CCDC102A: variants seen among roughly 807,000 people sequenced by gnomAD.
CCDC102A encodes the protein coiled-coil domain containing 102A.
Under a neutral mutation model 55.5 loss-of-function variants are expected in CCDC102A, and 40 were observed. The ratio of observed to expected loss-of-function variants is 0.72; its 90% CI spans 0.56 to 0.94. The LOEUF (loss-of-function observed/expected upper bound fraction) is 0.94, where lower values mean the gene tolerates loss of function less well. Among genes scored for constraint, CCDC102A ranks in the 40% least tolerant of loss-of-function variants. The probability of loss-of-function intolerance (pLI) is 0.00; values close to 1 mark genes in which losing one functional copy is unlikely to be tolerated. For missense variants in CCDC102A, 779 were observed against 768.6 expected, an observed-to-expected ratio of 1.01 and a Z score of -0.16; for synonymous variants, 323 against 339.0, an observed-to-expected ratio of 0.95 and a Z score of 0.52.
Position 57,529,703 on chromosome 16 carries a change from T to C in CCDC102A, c.-147-379A>G, listed in dbSNP as rs931463700. Among the ~76,000 whole-genome samples the C allele has an allele frequency of 5.9e-5, 9 of 152,098 alleles. No homozygotes were observed. The highest frequency in any genetic ancestry group is 3.9e-4 in the East Asian group (2 of 5,188). ...TTTTCCTGCACTGGGCTAACTCTTC[T>C]CATATTTAAGACTCTTCTGAGGTAT... On this transcript the variant is annotated intron_variant, in intron 1 of 8. Coordinates refer to ENST00000258214, the MANE Select transcript of CCDC102A (RefSeq NM_033212.4). The surrounding 1 kb of genome is among the most constrained non-coding windows in gnomAD (Gnocchi z 4.1).
At position 57,528,659 on chromosome 16, in the gene CCDC102A, G is replaced by A. The variant is rs2032188595; in HGVS notation, c.519C>T (p.Gly173=). 1.7e-6 allele frequency: 2 copies of A among 1,164,096 alleles called. No homozygotes were observed. The highest frequency in any genetic ancestry group is 2.1e-6 in the Non-Finnish European group (2 of 939,940). 72.1% of individuals were successfully genotyped at this position (1,164,096 alleles called of 1,614,324 possible). ...GCTCGCGCTCCGCTTCCGGCTCGGGGCCGTCGCGCGTCTGGTCGGCGACCC... is the reference window on the plus strand; with the variant it reads ...GCTCGCGCTCCGCTTCCGGCTCGGGACCGTCGCGCGTCTGGTCGGCGACCC... ...ARGVADQTRD[G]PEPEAEREPV... is the part of the protein sequence containing the mutation. Residue 173 remains glycine (G), a synonymous_variant, in exon 2 of 9, where the codon GGC becomes GGT. Transcript: ENST00000258214.
At chr16:57,535,021 C>T (rs1002005235) in intron 1 of CCDC102A, among the ~76,000 whole-genome samples, 1 of 152,232 alleles carries the variant, frequency 6.6e-6, no homozygotes, top group Admixed American at 6.5e-5. Flanking sequence ...TTCCCCGGCT[C>T]TGAAACCCTG....
At chr16:57,528,209 G>A (rs1303260909) in intron 2 of CCDC102A, among the ~76,000 whole-genome samples, 1 of 152,184 alleles carries the variant, frequency 6.6e-6, no homozygotes, top group Non-Finnish European at 1.5e-5. Flanking sequence ...TGAAGCCTGC[G>A]TCAGGGACCT....
intron 1 of CCDC102A, among the ~76,000 whole-genome samples, chr16:57,536,298 G>C (rs1307081228): frequency 1.3e-5 from 2 of 152,134 alleles, no homozygotes; most frequent in African/African-American, 4.8e-5. Context: ...GAGACCTGGG[G>C]TTCCGGGGGC....
rs775185395 is a variant in CCDC102A, at chr16:57,526,090, G to A, written c.623C>T (p.Pro208Leu). The A allele has an allele frequency of 6.4e-7, 1 of 1,573,072 alleles. No homozygotes were observed. Among genetic ancestry groups the A allele is most frequent in the Non-Finnish European group, 8.6e-7 (1 of 1,164,980 alleles). Residue 208 changes from proline (P) to leucine (L), a missense_variant, in exon 3 of 9, where the codon CCA (proline) becomes CTA (leucine). Transcript: ENST00000258214. ...ELVESLLKSM[P>L]EESEDCWEAR... ...CTCCCAGCAGTCCTCAGACTCCTCT[G>A]GCATGCTCTTCAGCAGGCTCTCCAC... is the stretch of plus-strand genomic sequence containing the variant.
chr16:57,512,627 T>C lies in CCDC102A; in HGVS notation c.*114A>G. ...ATCCCTGGGAGAGAAGAAAGTCGGC[T>C]GTGGCAGGGACTGGTCCCAGAGTGA... On this transcript the variant is annotated 3_prime_UTR_variant, in exon 9 of 9. Transcript: ENST00000258214. The C allele has an allele frequency of 7.6e-7, 1 of 1,323,270 alleles. No individual in the cohort carries two copies. Among genetic ancestry groups the C allele is most frequent in the South Asian group, 1.5e-5 (1 of 66,390 alleles). 82.0% of individuals were successfully genotyped at this position (1,323,270 alleles called of 1,614,324 possible).
Position 57,516,696 on chromosome 16 carries a change from C to T in CCDC102A, c.1249-233G>A, listed in dbSNP as rs562498801. The T allele has an allele frequency of 2.5e-4, 147 of 576,868 alleles. 1 individual carries two copies. The highest frequency in any genetic ancestry group is 2.1e-3 in the South Asian group (103 of 48,542). The allele number at this position is 576,868 out of a possible 1,614,324, so 35.7% of individuals were successfully genotyped here. A position where few individuals can be genotyped will look rare whatever the true frequency, so the allele number is the denominator to read the frequency against. On this transcript the variant is annotated intron_variant, in intron 6 of 8. Coordinates refer to ENST00000258214, the MANE Select transcript of CCDC102A (RefSeq NM_033212.4). The surrounding 1 kb of genome is among the most constrained non-coding windows in gnomAD (Gnocchi z 4.4). ...GCTGGGTGGGTGGAACCTGTGGCTC[C>T]GGTTTGGATGTGTAACTTTCAGATG...
intron 2 of CCDC102A, among the ~76,000 whole-genome samples, chr16:57,527,664 C>T (rs2032163517): frequency 6.6e-6 from 1 of 152,190 alleles, no homozygotes. Flanking sequence ...AGGTGATCCA[C>T]CAGCTTTGGC....
intron 1 of CCDC102A, among the ~76,000 whole-genome samples, chr16:57,535,689 C>T (rs1291698692): frequency 6.8e-6 from 1 of 147,358 alleles, no homozygotes; most frequent in African/African-American, 2.5e-5. Flanking sequence ...GTACAGCAGA[C>T]ATCCCGCTAG....
chr16:57,530,687 G>A (rs1005573387), intron 1 of CCDC102A, among the ~76,000 whole-genome samples: 2 of 152,028 alleles, frequency 1.3e-5, no homozygotes. Flanking sequence ...TCCTTGAGCC[G>A]AAGGCCTCCC....
At chr16:57,532,274 C>G (rs1309244024) in intron 1 of CCDC102A, among the ~76,000 whole-genome samples, 1 of 152,124 alleles carries the variant, frequency 6.6e-6, no homozygotes, top group South Asian at 2.1e-4. Flanking sequence ...TTCTTACTAC[C>G]CACAGTTCCA....
Position 57,528,664 on chromosome 16 carries a change from C to A in CCDC102A, c.514G>T (p.Asp172Tyr), listed in dbSNP as rs753728439. ...CGCTCCGCTTCCGGCTCGGGGCCGTCGCGCGTCTGGTCGGCGACCCCCCGG... is the reference window on the plus strand; with the variant it reads ...CGCTCCGCTTCCGGCTCGGGGCCGTAGCGCGTCTGGTCGGCGACCCCCCGG... ...GARGVADQTR[D>Y]GPEPEAEREP... Residue 172 changes from aspartate to tyrosine, a missense_variant, in exon 2 of 9, where the codon GAC becomes TAC. Physicochemically the swap from Asp to Tyr is radical, Grantham distance 160. Transcript: ENST00000258214. 7 of 1,154,826 alleles carry A rather than the reference C, an allele frequency of 6.1e-6. 1 individual carries two copies. The South Asian group carries it at 1.1e-4, about 18-fold the overall frequency. The allele number at this position is 1,154,826 out of a possible 1,614,324, so 71.5% of individuals were successfully genotyped here.
chr16:57,515,980 T>C (rs1030333731), intron 7 of CCDC102A, among the ~76,000 whole-genome samples: 4 of 152,024 alleles, frequency 2.6e-5, no homozygotes, highest in African/African-American at 7.2e-5. Context: ...CATACATCCA[T>C]TGGATCCACC....
rs140486249 is a variant in CCDC102A, at chr16:57,526,021, C to A, written c.692G>T (p.Arg231Leu). ...GAGGPRGSSG[R>L]QERSRLPWED... ...CCAGGGTAGCCGGCTGCGCTCCTGGCGGCCTGAGCTGCCCCGCGGGCCCCC... is the reference window on the plus strand; with the variant it reads ...CCAGGGTAGCCGGCTGCGCTCCTGGAGGCCTGAGCTGCCCCGCGGGCCCCC... The change falls in exon 3 of 9, where the codon CGC becomes CTC. Residue 231 changes from arginine to leucine, a missense_variant. Transcript: ENST00000258214. 1.0e-5 allele frequency: 16 copies of A among 1,602,658 alleles called. No individual in the cohort carries two copies. In the African/African-American group the frequency reaches 1.6e-4, roughly 16 times the overall value.
intron 2 of CCDC102A, among the ~76,000 whole-genome samples, chr16:57,527,627 C>T (rs1172645843): frequency 2.0e-5 from 3 of 152,136 alleles, no homozygotes; most frequent in East Asian, 3.9e-4. Context: ...ACCATGTTGG[C>T]CAGGCTGGTC....
intron 1 of CCDC102A, among the ~76,000 whole-genome samples, chr16:57,535,857 C>G (rs1430864715): frequency 6.6e-6 from 1 of 152,188 alleles, no homozygotes; most frequent in South Asian, 2.1e-4. Context: ...ATCCAACCCC[C>G]ACAAGAGCCC....
intron 1 of CCDC102A, among the ~76,000 whole-genome samples, chr16:57,535,115 G>A (rs760320201): frequency 6.6e-6 from 1 of 152,244 alleles, no homozygotes; most frequent in Non-Finnish European, 1.5e-5. Context: ...GCAGAGCCCA[G>A]TGGGAAACCA....
At chr16:57,512,901 C>A in intron 8 of CCDC102A, 31 bp from the exon 9 acceptor site, 1 of 1,601,096 alleles carries the variant, frequency 6.2e-7, no homozygotes, top group Non-Finnish European at 8.5e-7. Context: ...GAGGTTAGAG[C>A]AGCCTGGCTG....
chr16:57,518,146 G>A lies in CCDC102A; in HGVS notation c.1170C>T (p.Ala390=). 6.2e-7 allele frequency: 1 copy of A among 1,611,244 alleles called. No homozygotes were observed. The highest frequency in any genetic ancestry group is 1.1e-5 in the South Asian group (1 of 91,074). ...CGCTGGCTGTTTGCCGCCGCCGCCG[G>A]GCCAGCGCCTCCTCCAGGTCTCCGA... The part of the protein sequence containing the change: ...AQVGDLEEAL[A]RRRRQTASAL... Residue 390 remains alanine, a synonymous_variant, in exon 6 of 9, where the codon GCC becomes GCT. Transcript: ENST00000258214.
Sources: allele counts gnomAD v4.1 joint callset (sites outside exome capture counted in the v4.1 genomes callset), GRCh38; gene constraint gnomAD v4.1.1; non-coding constraint Gnocchi (gnomAD v3.1); transcripts MANE v1.5; gene names NCBI Gene and HGNC (gene_info 2026-07-23, HGNC 2026-07-21).